The following FAM217A variants were observed in gnomAD, a reference collection of about 807,000 sequenced individuals.
FAM217A encodes the protein protein FAM217A.
Under a neutral mutation model 18.5 loss-of-function variants are expected in FAM217A, and 13 were observed. The observed-to-expected ratio is 0.70, with a 90% CI of 0.46 to 1.12. The LOEUF (loss-of-function observed/expected upper bound fraction) is 1.12, where lower values mean the gene tolerates loss of function less well. FAM217A is among the 50% of genes most tolerant of loss of function. The probability of loss-of-function intolerance (pLI) is 0.00; values close to 1 mark genes in which losing one functional copy is unlikely to be tolerated. For missense variants in FAM217A, 560 were observed against 575.4 expected, an observed-to-expected ratio of 0.97 and a Z score of 0.27; for synonymous variants, 161 against 202.8, an observed-to-expected ratio of 0.79 and a Z score of 1.75.
chr6:4,072,081 G>A (rs1169935163), intron 6 of FAM217A, among the ~76,000 whole-genome samples: 9 of 152,056 alleles, frequency 5.9e-5, no homozygotes, highest in Admixed American at 2.6e-4. Flanking sequence ...GGTGGCTCAC[G>A]CCCGTAATCC....
Position 4,069,782 on chromosome 6 carries a change from T to C in FAM217A, c.441A>G (p.Leu147=), listed in dbSNP as rs760590201. The C allele has an allele frequency of 3.1e-6, 5 of 1,614,098 alleles. No individual in the cohort carries two copies. In the South Asian group the frequency reaches 4.4e-5, roughly 14 times the overall value. ...CATCAGCATAGGGCCAGCAGAGACC[T>C]AATGGCATTGGCAGTCCAGGGTAAG... ...VGPYPGLPMP[L]GLCWPYADGD... The change falls in exon 7 of 7, where the codon TTA becomes TTG. Residue 147 remains leucine, a synonymous_variant. Coordinates refer to ENST00000274673, the MANE Select transcript of FAM217A (RefSeq NM_173563.3).
chr6:4,070,043 T>G, intron 6 of FAM217A, 123 bp from the exon 7 acceptor site: 2 of 646,654 alleles, frequency 3.1e-6, no homozygotes, highest in Non-Finnish European at 4.9e-6. Context: ...GGCATATGTG[T>G]ATCTAGCTAC....
upstream of FAM217A, among the ~76,000 whole-genome samples, chr6:4,080,855 T>C (rs1253328808): frequency 6.6e-6 from 1 of 151,562 alleles, no homozygotes; most frequent in Non-Finnish European, 1.5e-5. Flanking sequence ...ATTACACTTC[T>C]AACTCACAAG....
At chr6:4,072,519 T>C (rs1421046968) in intron 6 of FAM217A, among the ~76,000 whole-genome samples, 8 of 151,070 alleles carry the variant, frequency 5.3e-5, no homozygotes, top group Admixed American at 5.3e-4. Flanking sequence ...TCCCAGAACT[T>C]TGGGAGGCCG....
rs666254 is a variant in FAM217A at position 4,077,301 on chromosome 6, G to A, written c.60+54C>T. ...CAAGAAAACTCCATGGGAGTTACGT[G>A]TTAGCAACAGGAGCCGCTGCCCAAA... On this transcript the variant is annotated intron_variant, in intron 2 of 6. Transcript: ENST00000274673. The A allele has an allele frequency of 5.7e-6, 9 of 1,584,108 alleles. No homozygotes were observed. In the Admixed American group the frequency reaches 1.2e-4, roughly 21 times the overall value.
At chr6:4,085,325 T>C (rs939486255) in intron 1 of FAM217A, among the ~76,000 whole-genome samples, 8 of 149,634 alleles carry the variant, frequency 5.3e-5, no homozygotes, top group Non-Finnish European at 1.2e-4. Context: ...TATATATATA[T>C]ATAAAATATG....
intron 1 of FAM217A, among the ~76,000 whole-genome samples, chr6:4,085,192 AT>A (rs1282896077): frequency 6.6e-6 from 1 of 152,152 alleles, no homozygotes; most frequent in Non-Finnish European, 1.5e-5. Flanking sequence ...GCAGCAGAAT[AT>A]TTGCCAGGCG....
At chr6:4,076,418 G>A (rs1279453247) in intron 2 of FAM217A, among the ~76,000 whole-genome samples, 1 of 151,918 alleles carries the variant, frequency 6.6e-6, no homozygotes, top group Non-Finnish European at 1.5e-5. Context: ...CACGATGACT[G>A]GGTTTTTATG....
rs377046907 is a variant in FAM217A, at chr6:4,085,311, A to AAAAAAAAAAATAT, written c.19-502_19-501insATATTTTTTTTTT. On this transcript the variant is annotated intron_variant, in intron 1 of 8. Transcript: ENST00000639338. ...AGAAGTGTTATTCATTGTAAAAAAAAATATATATATATATATAAAATATGT... is the reference window on the plus strand; with the variant it reads ...AGAAGTGTTATTCATTGTAAAAAAAAAAAAAAAAAATATATATATATATATATATAAAATATGT... 2.7e-5 allele frequency among the ~76,000 whole-genome samples: 4 copies of AAAAAAAAAAATAT among 146,438 alleles called. No individual in the cohort carries two copies. The East Asian group carries it at 8.1e-4, about 30-fold the overall frequency.
At chr6:4,079,409 G>A, upstream of FAM217A, 2 of 317,562 alleles carry the variant, frequency 6.3e-6, no homozygotes, top group South Asian at 4.8e-5. Context: ...GCCGCCCCCG[G>A]CCTCGCGGGA....
intron 1 of FAM217A, among the ~76,000 whole-genome samples, chr6:4,077,967 T>C (rs1056972222): frequency 6.6e-6 from 1 of 151,998 alleles, no homozygotes; most frequent in Non-Finnish European, 1.5e-5. Context: ...CCCACTGCCG[T>C]TTAAGGTAAA....
chr6:4,084,172 T>A (rs1321987285), intron 2 of FAM217A, among the ~76,000 whole-genome samples: 2 of 152,250 alleles, frequency 1.3e-5, no homozygotes, highest in Non-Finnish European at 2.9e-5. Context: ...TATATGCAAA[T>A]ATTTCTAATT....
upstream of FAM217A, among the ~76,000 whole-genome samples, chr6:4,082,409 A>G (rs183539183): frequency 9.1e-3 from 1,380 of 152,282 alleles, 14 homozygotes; most frequent in Non-Finnish European, 0.013. Context: ...TCTCAGTCCC[A>G]GTCTCCCTCC....
chr6:4,068,750 C>CA lies in FAM217A; in HGVS notation c.1472dup (p.Leu491PhefsTer8), dbSNP rs747996472. ...TATCCTTAGCAATAAGGGAAGGCGA[C>CA]AAACAGTTTAGCTTCTGAATAGAGA... On this transcript the variant is annotated frameshift_variant, in exon 7 of 7. Transcript: ENST00000274673. LOFTEE classifies it high-confidence loss of function. The CA allele has an allele frequency of 1.2e-6, 2 of 1,612,798 alleles. No homozygotes were observed. Among genetic ancestry groups the CA allele is most frequent in the Admixed American group, 1.7e-5 (1 of 59,808 alleles).
chr6:4,072,481 G>A (rs543297436), intron 6 of FAM217A, among the ~76,000 whole-genome samples: 31 of 137,340 alleles, frequency 2.3e-4, no homozygotes, highest in African/African-American at 7.4e-4. Context: ...AAAAAAAAGC[G>A]GCCTGGCATG....
upstream of FAM217A, among the ~76,000 whole-genome samples, chr6:4,083,699 A>C (rs778053702): frequency 6.6e-6 from 1 of 151,904 alleles, no homozygotes. Flanking sequence ...CTACAGGCGC[A>C]TGCCACCACG....
chr6:4,073,760 T>A (rs536811807), intron 4 of FAM217A, among the ~76,000 whole-genome samples: 1 of 152,112 alleles, frequency 6.6e-6, no homozygotes, highest in Non-Finnish European at 1.5e-5. Flanking sequence ...TGCAGTGAAA[T>A]GTTTTATGTT....
At chr6:4,073,878 G>A (rs771731735) in intron 4 of FAM217A, among the ~76,000 whole-genome samples, 5 of 152,160 alleles carry the variant, frequency 3.3e-5, no homozygotes, top group African/African-American at 1.2e-4. Context: ...ACAGGGTCTC[G>A]TTCTGTTGCC....
intron 1 of FAM217A, chr6:4,086,871 C>G (rs1008908423): frequency 2.5e-6 from 1 of 397,290 alleles, no homozygotes; most frequent in Admixed American, 4.4e-5. Flanking sequence ...TTATTTAATA[C>G]TTCTATTGTT....
Sources: allele counts gnomAD v4.1 joint callset (sites outside exome capture counted in the v4.1 genomes callset), GRCh38; gene constraint gnomAD v4.1.1; transcripts MANE v1.5; gene names NCBI Gene and HGNC (gene_info 2026-07-23, HGNC 2026-07-21).